Variants in ZSCAN5A observed in about 807,000 individuals in gnomAD.
The protein encoded by ZSCAN5A is zinc finger and SCAN domain containing 5A.
A neutral mutation model predicts 23.7 loss-of-function variants in ZSCAN5A; 12 were observed. That is an observed-to-expected ratio of 0.51 (90% confidence interval 0.32 to 0.82). ZSCAN5A has a LOEUF of 0.82. ZSCAN5A is among the 40% of genes least tolerant of loss of function. The pLI is 0.03. For missense variants in ZSCAN5A, 597 were observed against 617.9 expected (o/e 0.97, Z 0.36); for synonymous variants, 257 against 239.9 (o/e 1.07, Z -0.66).
chr19:56,285,148 CAT>C (rs975196785), intron 2 of ZSCAN5A: 7 of 347,688 alleles, frequency 2.0e-5, no homozygotes, highest in Admixed American at 1.3e-4. Flanking sequence ...TATCCAAGCA[CAT>C]GTTTTGTTTG....
chr19:56,358,902 C>T (rs2041714897), intron 2 of ZSCAN5A, among the ~76,000 whole-genome samples: 1 of 152,160 alleles, frequency 6.6e-6, no homozygotes, highest in South Asian at 2.1e-4. Flanking sequence ...ACATACCAGA[C>T]TCTCTGGGAT....
intron 2 of ZSCAN5A, among the ~76,000 whole-genome samples, chr19:56,300,828 G>A (rs1195388082): frequency 6.6e-6 from 1 of 152,188 alleles, no homozygotes; most frequent in East Asian, 1.9e-4. Flanking sequence ...TTTTCTGAAT[G>A]TAATACTTTT....
At chr19:56,332,587 TGA>T (rs2041499755) in intron 2 of ZSCAN5A, among the ~76,000 whole-genome samples, 1 of 152,198 alleles carries the variant, frequency 6.6e-6, no homozygotes, top group Non-Finnish European at 1.5e-5. Flanking sequence ...AGCAGACAAA[TGA>T]GTCTTTCTTT....
intron 2 of ZSCAN5A, among the ~76,000 whole-genome samples, chr19:56,334,514 T>C (rs964007020): frequency 5.3e-5 from 8 of 152,250 alleles, no homozygotes; most frequent in Non-Finnish European, 1.0e-4. Flanking sequence ...ATGGGTTACA[T>C]GAAATATTTT....
intron 3 of ZSCAN5A, 127 bp from the exon 4 acceptor site, chr19:56,223,961 G>A (rs921111138): frequency 1.1e-6 from 1 of 883,854 alleles, no homozygotes; most frequent in African/African-American, 1.7e-5. Context: ...TCCCAATAGA[G>A]AGTCAGCTCT....
chr19:56,312,673 A>G (rs2041112760), intron 2 of ZSCAN5A, among the ~76,000 whole-genome samples: 1 of 152,266 alleles, frequency 6.6e-6, no homozygotes, highest in African/African-American at 2.4e-5. Context: ...AGATGTTAAC[A>G]GTAGTGGCAG....
At chr19:56,295,608 A>G (rs866821993) in intron 2 of ZSCAN5A, among the ~76,000 whole-genome samples, 2 of 151,674 alleles carry the variant, frequency 1.3e-5, no homozygotes, top group Non-Finnish European at 2.9e-5. Flanking sequence ...AACAAAAAAC[A>G]AAACAAAACA....
chr19:56,297,531 G>C, intron 2 of ZSCAN5A: 2 of 984,996 alleles, frequency 2.0e-6, no homozygotes, highest in Non-Finnish European at 2.4e-6. Flanking sequence ...CAAGGAGGAA[G>C]GTAAGTGCTT....
chr19:56,313,751 AT>A (rs1431315048), intron 1 of ZSCAN5A, among the ~76,000 whole-genome samples: 4 of 152,172 alleles, frequency 2.6e-5, no homozygotes, highest in African/African-American at 9.7e-5. Context: ...GCCTTTGTAC[AT>A]TTAATTATCC....
At chr19:56,259,699 C>T (rs2036980610) in intron 2 of ZSCAN5A, among the ~76,000 whole-genome samples, 1 of 152,230 alleles carries the variant, frequency 6.6e-6, no homozygotes, top group African/African-American at 2.4e-5. Context: ...GTTGACCGGG[C>T]ACGGTGGCCC....
At position 56,244,044 on chromosome 19, in the gene ZSCAN5A, T is replaced by C. The variant is rs1051136116; in HGVS notation, c.-127-18871A>G. 8 of 910,492 alleles carry C rather than the reference T, an allele frequency of 8.8e-6. No individual in the cohort carries two copies. The East Asian group carries it at 1.2e-4, about 14-fold the overall frequency. The allele number at this position is 910,492 out of a possible 1,614,324, so 56.4% of individuals were successfully genotyped here. ...TGACTGAAATATTCTCCACCAGATATGGCTGCAAATTGCAACTCCTCATGG... is the reference window on the plus strand; with the variant it reads ...TGACTGAAATATTCTCCACCAGATACGGCTGCAAATTGCAACTCCTCATGG... On this transcript the variant is annotated intron_variant, in intron 2 of 5. Transcript: ENST00000683990.
intron 2 of ZSCAN5A, among the ~76,000 whole-genome samples, chr19:56,331,946 T>A (rs1002296528): frequency 4.6e-5 from 7 of 152,124 alleles, no homozygotes; most frequent in African/African-American, 1.7e-4. Context: ...TAAAAGTCAT[T>A]CAGGAGCAAG....
chr19:56,348,892 A>C (rs2041650593), intron 2 of ZSCAN5A, among the ~76,000 whole-genome samples: 1 of 152,176 alleles, frequency 6.6e-6, no homozygotes, highest in Non-Finnish European at 1.5e-5. Context: ...AGCCCCTTCT[A>C]ATCTAAAAAG....
upstream of ZSCAN5A, chr19:56,317,352 T>A (rs2041327743): frequency 1.3e-5 from 2 of 152,188 alleles, 1 homozygote; most frequent in Admixed American, 1.3e-4. Flanking sequence ...GGAACTTGGC[T>A]TCGTTGAAAG....
At chr19:56,263,709 A>T (rs993462238) in intron 2 of ZSCAN5A, 18 of 152,224 alleles carry the variant, frequency 1.2e-4, no homozygotes, top group African/African-American at 4.3e-4. Flanking sequence ...GAGAGAGGAG[A>T]GAATTATGCA....
chr19:56,335,823 T>C (rs2041530199), intron 2 of ZSCAN5A, among the ~76,000 whole-genome samples: 1 of 152,172 alleles, frequency 6.6e-6, no homozygotes, highest in South Asian at 2.1e-4. Flanking sequence ...GTAAAGTATT[T>C]TATTTCTCTT....
intron 2 of ZSCAN5A, among the ~76,000 whole-genome samples, chr19:56,309,648 T>C (rs1344579356): frequency 6.6e-6 from 1 of 152,198 alleles, no homozygotes; most frequent in Non-Finnish European, 1.5e-5. Flanking sequence ...TAAGGTTCTC[T>C]TCCTGCAACT....
At chr19:56,249,057 G>C (rs945445616) in intron 2 of ZSCAN5A, among the ~76,000 whole-genome samples, 1 of 152,042 alleles carries the variant, frequency 6.6e-6, no homozygotes, top group Non-Finnish European at 1.5e-5. Context: ...CCCCGCCCCA[G>C]ATGGTGTATT....
At chr19:56,337,211 C>T (rs966031427) in intron 2 of ZSCAN5A, among the ~76,000 whole-genome samples, 3 of 152,252 alleles carry the variant, frequency 2.0e-5, no homozygotes, top group Admixed American at 6.5e-5. Flanking sequence ...CAGGCCTCCT[C>T]GAGCTGTGGT....
Sources: gnomAD v4.1 joint callset for allele counts (sites outside exome capture counted in the v4.1 genomes callset) on GRCh38, gnomAD v4.1.1 for gene constraint, MANE v1.5 for transcripts, NCBI Gene and HGNC (gene_info 2026-07-23, HGNC 2026-07-21) for gene names.